CYRIB: variants seen among roughly 807,000 people sequenced by gnomAD.
CYRIB encodes CYFIP-related Rac1 interactor B.
Under a neutral mutation model 44.2 loss-of-function variants are expected in CYRIB, and 8 were observed. The ratio of observed to expected loss-of-function variants is 0.18; its 90% CI spans 0.11 to 0.33. The LOEUF (loss-of-function observed/expected upper bound fraction) is 0.33. Among genes scored for constraint, CYRIB ranks in the 10% least tolerant of loss-of-function variants. The probability of loss-of-function intolerance (pLI) is 1.00; values close to 1 mark genes in which losing one functional copy is unlikely to be tolerated. For synonymous variants in CYRIB, 131 were observed against 127.2 expected, an observed-to-expected ratio of 1.03 and a Z score of -0.20; for missense variants, 185 against 382.8, an observed-to-expected ratio of 0.48 and a Z score of 4.31.
At chr8:129,856,693 G>A (rs892287242) in intron 5 of CYRIB, among the ~76,000 whole-genome samples, 6 of 152,104 alleles carry the variant, frequency 3.9e-5, no homozygotes, top group African/African-American at 1.2e-4. Flanking sequence ...GAAGATTTAC[G>A]TATGAGTCAA....
intron 4 of CYRIB, among the ~76,000 whole-genome samples, chr8:129,863,508 G>A (rs1463944614): frequency 6.6e-6 from 1 of 150,564 alleles, no homozygotes; most frequent in South Asian, 2.1e-4. Flanking sequence ...CTGGGTGATA[G>A]AGCGAGACTC....
chr8:129,961,677 AT>A (rs1423350683), intron 2 of CYRIB, among the ~76,000 whole-genome samples: 1 of 152,236 alleles, frequency 6.6e-6, no homozygotes, highest in African/African-American at 2.4e-5. Flanking sequence ...TCAATGGAAT[AT>A]TTCCTGAGTA....
chr8:129,980,225 C>T (rs1353860495), intron 1 of CYRIB, among the ~76,000 whole-genome samples: 1 of 73,824 alleles, frequency 1.4e-5, no homozygotes, highest in Non-Finnish European at 2.1e-5. Context: ...AAGACTCCAT[C>T]TCAAAAAAAA....
intron 1 of CYRIB, among the ~76,000 whole-genome samples, chr8:129,997,469 TA>T (rs1276530474): frequency 2.6e-5 from 4 of 152,172 alleles, no homozygotes; most frequent in Admixed American, 1.3e-4. Flanking sequence ...GACTAGCTAA[TA>T]AAATCACGGG....
At chr8:129,905,254 G>A (rs1044124253) in intron 1 of CYRIB, among the ~76,000 whole-genome samples, 5 of 152,108 alleles carry the variant, frequency 3.3e-5, no homozygotes, top group African/African-American at 1.2e-4. Context: ...GTCTCACTCT[G>A]TCACCCAGGC....
intron 1 of CYRIB, among the ~76,000 whole-genome samples, chr8:129,909,707 A>G (rs1486378165): frequency 6.6e-6 from 1 of 152,206 alleles, no homozygotes; most frequent in Non-Finnish European, 1.5e-5. Flanking sequence ...AGTCTAATAT[A>G]AAAACGTTTA....
In CYRIB at chr8:129,872,269, A is replaced by AAGAAAAT. The variant is rs531362324; in HGVS notation, c.74-780_74-774dup. Among the ~76,000 whole-genome samples, 10 of 152,256 alleles carry AAGAAAAT rather than the reference A, an allele frequency of 6.6e-5. No homozygotes were observed. The South Asian group carries it at 2.1e-3, about 32-fold the overall frequency. ...CTACTACTGAAATTTTGAAATACTA[A>AAGAAAAT]AGAAAATCTGAGTTCCTACACACTT... On this transcript the variant is annotated intron_variant, in intron 3 of 11. Transcript: ENST00000519824.
chr8:129,898,986 CCCAAGTAGCTGGG>C (rs2069883125), intron 2 of CYRIB, among the ~76,000 whole-genome samples: 2 of 152,136 alleles, frequency 1.3e-5, no homozygotes, highest in African/African-American at 4.8e-5. Flanking sequence ...GCCTCACCCT[CCCAAGTAGCTGGG>C]ATTACAGGCA....
chr8:129,934,495 C>T (rs1032514303), intron 1 of CYRIB, among the ~76,000 whole-genome samples: 20 of 152,164 alleles, frequency 1.3e-4, no homozygotes, highest in Non-Finnish European at 2.5e-4. Flanking sequence ...TGCGGCAGGC[C>T]AGGTCTCACT....
chr8:129,885,291 G>A (rs1433702749), intron 2 of CYRIB, among the ~76,000 whole-genome samples: 5 of 152,108 alleles, frequency 3.3e-5, no homozygotes, highest in Admixed American at 6.5e-5. Flanking sequence ...GAGTTGCACC[G>A]GTTGCAACTT....
At chr8:129,901,438 A>T (rs956136063) in intron 2 of CYRIB, 2 of 152,126 alleles carry the variant, frequency 1.3e-5, no homozygotes, top group Non-Finnish European at 2.9e-5. Flanking sequence ...GCTGGTCTCA[A>T]ACTCCTGACC....
At chr8:129,977,153 G>T (rs189650118) in intron 1 of CYRIB, among the ~76,000 whole-genome samples, 12 of 152,158 alleles carry the variant, frequency 7.9e-5, no homozygotes, top group African/African-American at 2.9e-4. Context: ...GAACAAAGAG[G>T]TTTCATGAAG....
At chr8:130,006,629 CATATATATGTGTATATAT>C (rs61489383) in intron 1 of CYRIB, among the ~76,000 whole-genome samples, 1 of 23,142 alleles carries the variant, frequency 4.3e-5, no homozygotes, top group African/African-American at 7.1e-4. Context: ...TATATATATA[CATATATATGTGTATATAT>C]ATACATATAT....
intron 5 of CYRIB, 122 bp from the exon 8 acceptor site, chr8:129,855,869 C>A (rs2045962352): frequency 1.1e-6 from 1 of 887,386 alleles, no homozygotes. Context: ...AACAGATGAT[C>A]TAAACATAAT....
At chr8:129,905,514 A>G (rs994010205) in intron 1 of CYRIB, among the ~76,000 whole-genome samples, 2 of 152,182 alleles carry the variant, frequency 1.3e-5, no homozygotes, top group African/African-American at 4.8e-5. Context: ...TTTCTCTATG[A>G]GTTAGTTCAC....
intron 2 of CYRIB, among the ~76,000 whole-genome samples, chr8:129,960,624 G>A (rs1359647810): frequency 2.8e-5 from 4 of 145,452 alleles, no homozygotes; most frequent in Admixed American, 7.0e-5. Context: ...TCCAGCCTGG[G>A]CGGCAGAGCG....
intron 1 of CYRIB, among the ~76,000 whole-genome samples, chr8:129,921,488 C>A (rs2083551585): frequency 6.6e-6 from 1 of 152,214 alleles, no homozygotes; most frequent in Non-Finnish European, 1.5e-5. Flanking sequence ...CAAGGTCTCA[C>A]TCTCTCGCCT....
chr8:129,991,242 A>T (rs1427264533), intron 1 of CYRIB, among the ~76,000 whole-genome samples: 3 of 151,990 alleles, frequency 2.0e-5, no homozygotes, highest in African/African-American at 7.2e-5. Flanking sequence ...AGGCCCTAAC[A>T]CAGTGCCTGC....
intron 1 of CYRIB, among the ~76,000 whole-genome samples, chr8:129,992,018 C>T (rs906604652): frequency 7.1e-6 from 1 of 139,916 alleles, no homozygotes; most frequent in African/African-American, 2.7e-5. Flanking sequence ...TGGTATGATC[C>T]GAGTAATACT....
Sources: allele counts gnomAD v4.1 joint callset (sites outside exome capture counted in the v4.1 genomes callset), GRCh38; gene constraint gnomAD v4.1.1; transcripts MANE v1.5; gene names NCBI Gene and HGNC (gene_info 2026-07-23, HGNC 2026-07-21).